The following EYS variants were observed in gnomAD, a reference collection of about 807,000 sequenced individuals.
The protein encoded by EYS is EGF-like photoreceptor maintenance factor, also known as protein eyes shut homolog.
Under a neutral mutation model 282.1 loss-of-function variants are expected in EYS, and 250 were observed. The observed-to-expected ratio is 0.89, with a 90% confidence interval of 0.80 to 0.98. The LOEUF (loss-of-function observed/expected upper bound fraction) is 0.98. Ranked by LOEUF, EYS falls within the 50% of genes least tolerant of loss-of-function variation. EYS has a pLI of 0.00. For missense variants in EYS, 4,016 were observed against 3,709.0 expected (o/e 1.08, Z -2.15); for synonymous variants, 1,355 against 1,282.9 (o/e 1.06, Z -1.20).
At chr6:64,661,248 A>C (rs1769004951) in intron 22 of EYS, among the ~76,000 whole-genome samples, 1 of 152,224 alleles carries the variant, frequency 6.6e-6, no homozygotes, top group Non-Finnish European at 1.5e-5. Flanking sequence ...AAGATGGATT[A>C]GAGACTTACA....
At chr6:65,467,518 CACAT>C (rs1256714832) in intron 5 of EYS, among the ~76,000 whole-genome samples, 2 of 151,732 alleles carry the variant, frequency 1.3e-5, no homozygotes, top group African/African-American at 4.8e-5. Context: ...CACACACACA[CACAT>C]ACACACACAC....
At chr6:64,198,003 ATTTT>A (rs1460114425) in intron 31 of EYS, among the ~76,000 whole-genome samples, 66 of 149,644 alleles carry the variant, frequency 4.4e-4, no homozygotes, top group African/African-American at 1.5e-3. Context: ...TTATTTATTT[ATTTT>A]TTTGAGACGG....
intron 5 of EYS, among the ~76,000 whole-genome samples, chr6:65,451,213 G>C (rs4314477): frequency 0.19 from 28,123 of 151,886 alleles, 3,247 homozygotes; most frequent in Middle Eastern, 0.3. Context: ...CTAAGTTGGA[G>C]CCTTTAATTG....
At chr6:65,328,735 T>C (rs1204225839) in intron 11 of EYS, among the ~76,000 whole-genome samples, 1 of 146,918 alleles carries the variant, frequency 6.8e-6, no homozygotes, top group Non-Finnish European at 1.5e-5. Context: ...GATGTGAAAA[T>C]ATTATAATTA....
At chr6:63,982,504 A>G (rs578189198) in intron 35 of EYS, among the ~76,000 whole-genome samples, 1 of 151,866 alleles carries the variant, frequency 6.6e-6, no homozygotes, top group South Asian at 2.1e-4. Context: ...GACACCCTCA[A>G]CTCTGCTTCT....
At chr6:64,582,622 T>G (rs1200723382) in intron 26 of EYS, among the ~76,000 whole-genome samples, 4 of 149,406 alleles carry the variant, frequency 2.7e-5, no homozygotes, top group Non-Finnish European at 4.4e-5. Flanking sequence ...TCCAAGGTCA[T>G]GTACCACTGA....
intron 5 of EYS, among the ~76,000 whole-genome samples, chr6:65,473,351 G>T (rs1027092512): frequency 1.3e-5 from 2 of 151,878 alleles, no homozygotes; most frequent in Admixed American, 1.3e-4. Context: ...AAATCTTGGA[G>T]AATTTGAAAA....
At chr6:63,799,367 G>A (rs1323067755) in intron 37 of EYS, among the ~76,000 whole-genome samples, 1 of 151,878 alleles carries the variant, frequency 6.6e-6, no homozygotes, top group Non-Finnish European at 1.5e-5. Context: ...CTACAGTTGA[G>A]ATTTTAACTT....
intron 29 of EYS, among the ~76,000 whole-genome samples, chr6:64,318,627 T>C (rs974992135): frequency 2.0e-5 from 3 of 151,994 alleles, no homozygotes; most frequent in Non-Finnish European, 4.4e-5. Flanking sequence ...ATCTAAATTA[T>C]TGGTTAACCT....
intron 5 of EYS, among the ~76,000 whole-genome samples, chr6:65,478,849 G>A (rs1392015570): frequency 1.3e-5 from 2 of 152,076 alleles, no homozygotes; most frequent in Non-Finnish European, 2.9e-5. Flanking sequence ...TGGTGGTGTC[G>A]CTTTTTTCAG....
chr6:64,261,782 A>T (rs1036688782), intron 30 of EYS, among the ~76,000 whole-genome samples: 3 of 106,878 alleles, frequency 2.8e-5, no homozygotes, highest in African/African-American at 1.1e-4. Context: ...ATATTAGGTT[A>T]TTTTGTTTTT....
intron 22 of EYS, among the ~76,000 whole-genome samples, chr6:64,670,283 G>A (rs1769403617): frequency 6.6e-6 from 1 of 152,012 alleles, no homozygotes; most frequent in Middle Eastern, 3.2e-3. Flanking sequence ...TTGTCTTAGA[G>A]GAGTTCAGCT....
At chr6:65,001,390 C>T (rs1771463088) in intron 13 of EYS, among the ~76,000 whole-genome samples, 2 of 147,186 alleles carry the variant, frequency 1.4e-5, no homozygotes, top group African/African-American at 4.9e-5. Context: ...AAACTCCTCT[C>T]TGACCACTCC....
chr6:64,549,418 A>G (rs867549005), intron 26 of EYS, among the ~76,000 whole-genome samples: 1 of 152,158 alleles, frequency 6.6e-6, no homozygotes, highest in African/African-American at 2.4e-5. Flanking sequence ...TTCTTTTTCT[A>G]TCACAATTTT....
intron 36 of EYS, among the ~76,000 whole-genome samples, chr6:63,841,297 C>G (rs1200778833): frequency 2.6e-5 from 4 of 152,034 alleles, no homozygotes; most frequent in African/African-American, 9.7e-5. Context: ...ATAACAGAAT[C>G]ATTGTATTTG....
chr6:64,625,369 T>G (rs958835410), intron 23 of EYS, among the ~76,000 whole-genome samples: 17 of 152,212 alleles, frequency 1.1e-4, no homozygotes, highest in African/African-American at 3.9e-4. Flanking sequence ...ATAAACTGGA[T>G]AGCTTACAGA....
At chr6:63,962,199 G>T (rs1766098390) in intron 35 of EYS, among the ~76,000 whole-genome samples, 1 of 152,154 alleles carries the variant, frequency 6.6e-6, no homozygotes, top group Non-Finnish European at 1.5e-5. Flanking sequence ...ATAGGCATGG[G>T]CAAGGACTTC....
chr6:64,835,911 G>T (rs1765368452), intron 19 of EYS, among the ~76,000 whole-genome samples: 1 of 151,484 alleles, frequency 6.6e-6, no homozygotes, highest in Admixed American at 6.6e-5. Context: ...TTAAGATGAT[G>T]ATATTAGCAA....
chr6:63,790,262 C>G (rs1770476504), intron 37 of EYS, among the ~76,000 whole-genome samples: 1 of 151,262 alleles, frequency 6.6e-6, no homozygotes, highest in Non-Finnish European at 1.5e-5. Context: ...TCTAGTATTA[C>G]TTTGATCAGG....
Sources: allele counts gnomAD v4.1 joint callset (sites outside exome capture counted in the v4.1 genomes callset), GRCh38; gene constraint gnomAD v4.1.1; transcripts MANE v1.5; gene names NCBI Gene and HGNC (gene_info 2026-07-23, HGNC 2026-07-21).